The following BACH2 variants were observed in gnomAD, a reference collection of about 807,000 sequenced individuals.
BACH2 encodes the protein transcription regulator protein BACH2.
A neutral mutation model predicts 61.8 loss-of-function variants in BACH2; 5 were observed. The ratio of observed to expected loss-of-function variants is 0.08; its 90% CI spans 0.04 to 0.17. The LOEUF is 0.17. Ranked by LOEUF, BACH2 falls within the 10% of genes least tolerant of loss-of-function variation. The pLI is 1.00. For missense variants in BACH2, 824 were observed against 1,091.1 expected, an observed-to-expected ratio of 0.76 and a Z score of 3.45; for synonymous variants, 446 against 440.1, an observed-to-expected ratio of 1.01 and a Z score of -0.17.
At chr6:90,018,151 TC>T (rs1282553897) in intron 5 of BACH2, among the ~76,000 whole-genome samples, 2 of 152,222 alleles carry the variant, frequency 1.3e-5, no homozygotes, top group Non-Finnish European at 2.9e-5. Context: ...TTCTCTGAGT[TC>T]CCTTTGTTTT....
chr6:90,037,443 T>A (rs1177380242), intron 5 of BACH2, among the ~76,000 whole-genome samples: 2 of 152,222 alleles, frequency 1.3e-5, no homozygotes, highest in Non-Finnish European at 2.9e-5. Flanking sequence ...AGGCTCTTCA[T>A]TTATTTTCTT....
At chr6:90,065,201 G>T (rs1201694502) in intron 5 of BACH2, among the ~76,000 whole-genome samples, 2 of 149,182 alleles carry the variant, frequency 1.3e-5, no homozygotes, top group Non-Finnish European at 3.0e-5. Flanking sequence ...AAATCCTTGA[G>T]GCATGTCCAG....
intron 4 of BACH2, among the ~76,000 whole-genome samples, chr6:90,186,386 C>T (rs1582462310): frequency 6.6e-6 from 1 of 152,262 alleles, no homozygotes; most frequent in South Asian, 2.1e-4. Flanking sequence ...CTTATATTCC[C>T]TAAAATATAA....
At chr6:89,959,513 C>T (rs906901846) in intron 6 of BACH2, among the ~76,000 whole-genome samples, 2 of 152,080 alleles carry the variant, frequency 1.3e-5, no homozygotes, top group Non-Finnish European at 2.9e-5. Flanking sequence ...TAAATCATGA[C>T]TCAATACAAA....
chr6:90,097,711 T>A (rs1782437213), intron 4 of BACH2, among the ~76,000 whole-genome samples: 1 of 152,242 alleles, frequency 6.6e-6, no homozygotes, highest in Non-Finnish European at 1.5e-5. Flanking sequence ...TTTTTAAGTA[T>A]ACGGTTCAGT....
intron 5 of BACH2, among the ~76,000 whole-genome samples, chr6:90,084,426 T>C (rs1781845237): frequency 6.6e-6 from 1 of 152,060 alleles, no homozygotes; most frequent in South Asian, 2.1e-4. Context: ...TCCATATCCA[T>C]GCCCTTTCAA....
chr6:90,239,786 A>G (rs1250080579), intron 3 of BACH2, among the ~76,000 whole-genome samples: 2 of 133,570 alleles, frequency 1.5e-5, no homozygotes, highest in African/African-American at 5.8e-5. Flanking sequence ...CTCCATAGTA[A>G]GGGGGGGGGA....
chr6:90,192,049 G>C (rs775959373), intron 4 of BACH2, among the ~76,000 whole-genome samples: 7 of 152,128 alleles, frequency 4.6e-5, no homozygotes, highest in Non-Finnish European at 1.0e-4. Context: ...ACCATTGGTG[G>C]GTTTTAAGTC....
chr6:90,220,298 A>G (rs1349313879), intron 3 of BACH2, among the ~76,000 whole-genome samples: 1 of 152,246 alleles, frequency 6.6e-6, no homozygotes, highest in Non-Finnish European at 1.5e-5. Flanking sequence ...TAAGGTCTGC[A>G]TTAGCAGCCC....
intron 7 of BACH2, among the ~76,000 whole-genome samples, chr6:89,943,476 A>G (rs1215944591): frequency 6.6e-5 from 10 of 151,950 alleles, no homozygotes; most frequent in Non-Finnish European, 1.2e-4. Context: ...ATATAAATAT[A>G]GCTTTCATAA....
chr6:90,210,132 T>A (rs1206355219), intron 3 of BACH2, among the ~76,000 whole-genome samples: 1 of 152,148 alleles, frequency 6.6e-6, no homozygotes, highest in African/African-American at 2.4e-5. Flanking sequence ...CTAATACCAA[T>A]CTGGGTGGTA....
At chr6:90,203,618 C>T (rs1769034408) in intron 4 of BACH2, among the ~76,000 whole-genome samples, 1 of 151,980 alleles carries the variant, frequency 6.6e-6, no homozygotes, top group Non-Finnish European at 1.5e-5. Context: ...GAATTTACAA[C>T]CATTAATGCC....
Position 90,008,759 on chromosome 6 carries a change from T to G in BACH2, c.86A>C (p.Asp29Ala). The change falls in exon 6 of 9, where the codon GAC becomes GCC. Residue 29 changes from aspartate (D) to alanine (A), a missense_variant. Around this residue, in one of 8 missense-constraint regions of BACH2, gnomAD observed 66 missense variants for 144.8 expected, o/e 0.46. Transcript: ENST00000257749. The surrounding 1 kb of genome is among the most constrained non-coding windows in gnomAD (Gnocchi z 4.1). The part of the protein sequence containing the change: ...HCTNILLGLN[D>A]QRKKDILCDV... The stretch of plus-strand genomic sequence containing the variant: ...ACAGAGAATATCCTTTTTCCGCTGG[T>G]CATTGAGGCCCAGGAGGATGTTGGT... 1 of 1,614,154 alleles carries G rather than the reference T, an allele frequency of 6.2e-7. No homozygotes were observed. The highest frequency in any genetic ancestry group is 1.1e-5 in the South Asian group (1 of 91,066).
intron 8 of BACH2, among the ~76,000 whole-genome samples, chr6:89,934,791 C>T (rs1043281681): frequency 1.3e-5 from 2 of 152,076 alleles, no homozygotes; most frequent in South Asian, 2.1e-4. Context: ...CCTTTGCAAG[C>T]GCAGGCAGGA....
chr6:90,205,106 C>A (rs974747585), intron 4 of BACH2, among the ~76,000 whole-genome samples: 3 of 152,162 alleles, frequency 2.0e-5, no homozygotes, highest in African/African-American at 7.2e-5. Flanking sequence ...GCCCTTCGTG[C>A]CCATGAGAAG....
intron 1 of BACH2, among the ~76,000 whole-genome samples, chr6:90,280,918 T>C (rs1771840905): frequency 6.6e-6 from 1 of 152,206 alleles, no homozygotes. Flanking sequence ...ACTCTTTCTC[T>C]CCCAACATCT....
intron 3 of BACH2, among the ~76,000 whole-genome samples, chr6:90,211,191 A>G (rs1323480993): frequency 6.6e-6 from 1 of 151,722 alleles, no homozygotes; most frequent in African/African-American, 2.4e-5. Context: ...AGAAATGACA[A>G]GAAAAGATGA....
chr6:89,989,560 C>T (rs9451310), intron 6 of BACH2, among the ~76,000 whole-genome samples: 1 of 151,954 alleles, frequency 6.6e-6, no homozygotes, highest in East Asian at 1.9e-4. Flanking sequence ...ATCCTCCGGG[C>T]GTGGAGCATG....
At chr6:90,268,630 T>C (rs1490763459) in intron 2 of BACH2, among the ~76,000 whole-genome samples, 2 of 152,214 alleles carry the variant, frequency 1.3e-5, no homozygotes, top group East Asian at 3.8e-4. Context: ...TTCATTTTTC[T>C]AGTAAATCAT....
Sources: gnomAD v4.1 joint callset for allele counts (sites outside exome capture counted in the v4.1 genomes callset) on GRCh38, gnomAD v4.1.1 for gene constraint, gnomAD v4.1.1 regional missense constraint, Gnocchi (gnomAD v3.1) non-coding constraint, MANE v1.5 for transcripts, NCBI Gene and HGNC (gene_info 2026-07-23, HGNC 2026-07-21) for gene names.